Variants in KLF13 observed in about 807,000 individuals in gnomAD.
KLF13 encodes the protein Krueppel-like factor 13.
Under a neutral mutation model 16.7 loss-of-function variants are expected in KLF13, and 8 were observed. The ratio of observed to expected loss-of-function variants is 0.48; its 90% confidence interval spans 0.28 to 0.87. KLF13 has a LOEUF of 0.87. Ranked by LOEUF, KLF13 falls within the 40% of genes least tolerant of loss-of-function variation. The pLI is 0.10. For synonymous variants in KLF13, 245 were observed against 208.4 expected (o/e 1.18, Z -1.51); for missense variants, 447 against 452.2 (o/e 0.99, Z 0.10).
At chr15:31,417,255 G>C (rs1373467292) in intron 1 of KLF13, among the ~76,000 whole-genome samples, 1 of 152,108 alleles carries the variant, frequency 6.6e-6, no homozygotes, top group Admixed American at 6.5e-5. Context: ...AGCACTTTGG[G>C]AGGCCGAGAT....
At chr15:31,404,482 C>A (rs1400150292) in exon 3 of KLF13, 1 of 152,162 alleles carries the variant, frequency 6.6e-6, no homozygotes, top group African/African-American at 2.4e-5. Context: ...CTAAAATGGA[C>A]CAATCAGTGC....
At chr15:31,371,211 C>G (rs1168629071) in intron 1 of KLF13, among the ~76,000 whole-genome samples, 1 of 152,206 alleles carries the variant, frequency 6.6e-6, no homozygotes, top group East Asian at 1.9e-4. Context: ...TGGCCTGTCT[C>G]CCGCTCCGAG....
intron 1 of KLF13, among the ~76,000 whole-genome samples, chr15:31,421,350 A>G (rs1355149775): frequency 6.6e-6 from 1 of 152,228 alleles, no homozygotes; most frequent in Non-Finnish European, 1.5e-5. Context: ...AAAGGGAGGT[A>G]TATGGAAAAG....
intron 1 of KLF13, among the ~76,000 whole-genome samples, chr15:31,423,983 C>T (rs1007787184): frequency 6.6e-6 from 1 of 151,720 alleles, no homozygotes; most frequent in Admixed American, 6.6e-5. Context: ...AATTTGATAG[C>T]CTAGAAGAAA....
intron 1 of KLF13, among the ~76,000 whole-genome samples, chr15:31,416,910 C>T (rs2040262222): frequency 6.6e-6 from 1 of 152,126 alleles, no homozygotes; most frequent in South Asian, 2.1e-4. Flanking sequence ...AAACTTACTC[C>T]CCAATGTAAA....
At chr15:31,345,227 CAG>C (rs961579978) in intron 1 of KLF13, among the ~76,000 whole-genome samples, 30 of 152,318 alleles carry the variant, frequency 2.0e-4, no homozygotes, top group South Asian at 6.2e-4. Flanking sequence ...TGCCAGCAGA[CAG>C]GGGTGGAGTG....
chr15:31,426,132 T>C lies in KLF13; in HGVS notation n.118-9238T>C, dbSNP rs955679095. Among the ~76,000 whole-genome samples, 40 of 152,180 alleles carry C rather than the reference T, an allele frequency of 2.6e-4. 1 individual carries two copies. The highest frequency in any genetic ancestry group is 1.3e-4 in the Admixed American group (2 of 15,284). On this transcript the variant is annotated intron_variant and non_coding_transcript_variant, in intron 1 of 1. Coordinates refer to the KLF13 transcript ENST00000558225. Reference sequence around the variant, plus strand: ...GCCTGGACTTTATTGTGCATATCATTATCAGCACTTTGGGCAAAGCCATTC... The same window carrying C: ...GCCTGGACTTTATTGTGCATATCATCATCAGCACTTTGGGCAAAGCCATTC...
chr15:31,334,163 C>T (rs1376433606), intron 1 of KLF13, among the ~76,000 whole-genome samples: 1 of 152,184 alleles, frequency 6.6e-6, no homozygotes, highest in Non-Finnish European at 1.5e-5. Flanking sequence ...GCTCCTTTCC[C>T]CAAACAGACA....
At chr15:31,422,766 G>T (rs1486460211) in intron 1 of KLF13, among the ~76,000 whole-genome samples, 1 of 152,082 alleles carries the variant, frequency 6.6e-6, no homozygotes, top group Non-Finnish European at 1.5e-5. Flanking sequence ...TGGGCGCAGT[G>T]GCTCAGGCCT....
At chr15:31,354,485 A>G (rs368396600) in intron 1 of KLF13, among the ~76,000 whole-genome samples, 1 of 152,124 alleles carries the variant, frequency 6.6e-6, no homozygotes, top group Admixed American at 6.5e-5. Context: ...CGTTCAAGCA[A>G]TTCTCCTGCC....
chr15:31,345,898 A>G (rs2039107799), intron 1 of KLF13, among the ~76,000 whole-genome samples: 1 of 151,680 alleles, frequency 6.6e-6, no homozygotes, highest in East Asian at 1.9e-4. Context: ...CCCACCTCTC[A>G]CCCCTGGTTG....
chr15:31,426,069 A>C (rs2040397522), intron 1 of KLF13, among the ~76,000 whole-genome samples: 1 of 152,198 alleles, frequency 6.6e-6, no homozygotes, highest in South Asian at 2.1e-4. Context: ...CCTTTACTCC[A>C]GTTCCCAAGT....
Position 31,376,979 on chromosome 15 carries a change from T to G in KLF13, c.*4680T>G, listed in dbSNP as rs1595484174. 31 of 14,334 alleles carry G rather than the reference T, an allele frequency of 2.2e-3. No individual in the cohort carries two copies. The highest frequency in any genetic ancestry group is 4.2e-3 in the African/African-American group (15 of 3,550). The allele number at this position is 14,334 out of a possible 1,614,324, so 0.9% of individuals were successfully genotyped here. On this transcript the variant is annotated 3_prime_UTR_variant, in exon 2 of 2. Transcript: ENST00000307145. ...ACATTCCGGGGAGGGGGGTGGGGGG[T>G]GGAGGCAGGAAGTCATGGGGGTGGG...
Position 31,328,833 on chromosome 15 carries a change from C to T in KLF13, c.577+1044C>T, listed in dbSNP as rs2038772773. ...TTTGGTGTAAAGAATTGTATGCTTC[C>T]TCTGAGCTCACGTGAGTTCTTCTGT... is the stretch of plus-strand genomic sequence containing the variant. On this transcript the variant is annotated intron_variant, in intron 1 of 1. Transcript: ENST00000307145. Among the ~76,000 whole-genome samples the T allele has an allele frequency of 2.0e-5, 3 of 152,174 alleles. No homozygotes were observed. In the South Asian group the frequency reaches 6.2e-4, roughly 31 times the overall value.
chr15:31,372,104 G>A lies in KLF13; in HGVS notation c.672G>A (p.Glu224=). 6.2e-7 allele frequency: 1 copy of A among 1,613,056 alleles called. No homozygotes were observed. The highest frequency in any genetic ancestry group is 8.5e-7 in the Non-Finnish European group (1 of 1,179,974). Residue 224 remains glutamate, a synonymous_variant, in exon 2 of 2, where the codon GAG becomes GAA. Transcript: ENST00000307145. ...LARHYRTHTG[E]KKFSCPICEK... is the part of the protein sequence containing the mutation. ...GGCACTACCGCACACACACGGGCGAGAAGAAGTTCAGCTGCCCCATCTGCG... is the reference window on the plus strand; with the variant it reads ...GGCACTACCGCACACACACGGGCGAAAAGAAGTTCAGCTGCCCCATCTGCG...
At chr15:31,427,332 A>G (rs2040411228) in intron 1 of KLF13, among the ~76,000 whole-genome samples, 1 of 143,646 alleles carries the variant, frequency 7.0e-6, no homozygotes, top group Non-Finnish European at 1.5e-5. Flanking sequence ...GTAAAAAAAC[A>G]AAAAACAAAA....
intron 1 of KLF13, among the ~76,000 whole-genome samples, chr15:31,334,433 T>C (rs1285908652): frequency 2.1e-5 from 3 of 144,756 alleles, no homozygotes; most frequent in Admixed American, 2.1e-4. Context: ...TCTTTCTTTC[T>C]TTTTTTTTTT....
intron 1 of KLF13, among the ~76,000 whole-genome samples, chr15:31,416,553 T>C (rs989734020): frequency 6.6e-5 from 10 of 152,088 alleles, no homozygotes; most frequent in Admixed American, 5.2e-4. Flanking sequence ...TACATGAACA[T>C]CTCAAAAATC....
chr15:31,342,475 A>C (rs1396211155), intron 1 of KLF13, among the ~76,000 whole-genome samples: 1 of 152,206 alleles, frequency 6.6e-6, no homozygotes, highest in Admixed American at 6.5e-5. Flanking sequence ...TCCTGTTTGC[A>C]GCAAAACTTG....
Sources: gnomAD v4.1 joint callset for allele counts (sites outside exome capture counted in the v4.1 genomes callset) on GRCh38, gnomAD v4.1.1 for gene constraint, MANE v1.5 for transcripts, NCBI Gene and HGNC (gene_info 2026-07-23, HGNC 2026-07-21) for gene names.